Variants in ROBO2 observed in about 807,000 individuals in gnomAD.
ROBO2 encodes the protein roundabout homolog 2.
A neutral mutation model predicts 160.8 loss-of-function variants in ROBO2; 53 were observed. The observed-to-expected ratio is 0.33, with a 90% CI of 0.26 to 0.41. The LOEUF (loss-of-function observed/expected upper bound fraction) is 0.41. Ranked by LOEUF, ROBO2 falls within the 10% of genes least tolerant of loss-of-function variation. ROBO2 has a pLI of 1.00. For synonymous variants in ROBO2, 664 were observed against 611.7 expected, an observed-to-expected ratio of 1.09 and a Z score of -1.26; for missense variants, 1,577 against 1,722.4, an observed-to-expected ratio of 0.92 and a Z score of 1.49.
chr3:76,292,607 C>T (rs747534877), intron 2 of ROBO2, among the ~76,000 whole-genome samples: 3 of 151,752 alleles, frequency 2.0e-5, no homozygotes, highest in African/African-American at 7.3e-5. Flanking sequence ...TCCAATTGAA[C>T]AATATAAGTG....
intron 2 of ROBO2, among the ~76,000 whole-genome samples, chr3:76,185,576 T>G (rs1418271277): frequency 6.6e-6 from 1 of 151,916 alleles, no homozygotes; most frequent in African/African-American, 2.4e-5. Flanking sequence ...GCTGCCCAAA[T>G]AGACAGAGAG....
At position 76,177,643 on chromosome 3, in the gene ROBO2, T is replaced by A. The variant is rs540201020; in HGVS notation, c.109+240041T>A. On this transcript the variant is annotated intron_variant, in intron 2 of 26. Transcript: ENST00000487694. Reference sequence around the variant, plus strand: ...TTTTTCTCCTAGCTAACTAAGGAGATGTTCTATTTTACATGCTAATTGTAA... The same window carrying A: ...TTTTTCTCCTAGCTAACTAAGGAGAAGTTCTATTTTACATGCTAATTGTAA... Among the ~76,000 whole-genome samples the A allele has an allele frequency of 4.6e-5, 7 of 152,308 alleles. No homozygotes were observed. The East Asian group carries it at 1.4e-3, about 29-fold the overall frequency.
At chr3:76,583,559 T>A (rs909475452) in intron 2 of ROBO2, among the ~76,000 whole-genome samples, 1 of 152,090 alleles carries the variant, frequency 6.6e-6, no homozygotes, top group African/African-American at 2.4e-5. Flanking sequence ...CTTTTTGGGT[T>A]TTCCGCAGCT....
intron 2 of ROBO2, among the ~76,000 whole-genome samples, chr3:76,363,146 A>C (rs2108406877): frequency 6.6e-6 from 1 of 152,140 alleles, no homozygotes; most frequent in South Asian, 2.1e-4. Flanking sequence ...AGCACTCGAT[A>C]AAATTTATAT....
intron 13 of ROBO2, among the ~76,000 whole-genome samples, 197 bp from the exon 15 acceptor site, chr3:77,574,302 T>G (rs2093707929): frequency 6.6e-6 from 1 of 152,024 alleles, no homozygotes; most frequent in African/African-American, 2.4e-5. Context: ...ATCTTCATTT[T>G]GGAAACAATC....
At chr3:76,585,343 A>C (rs918233034) in intron 2 of ROBO2, among the ~76,000 whole-genome samples, 5 of 152,210 alleles carry the variant, frequency 3.3e-5, no homozygotes, top group African/African-American at 1.2e-4. Flanking sequence ...CATGAAAAAT[A>C]TTGATTTCAT....
At chr3:77,112,380 A>G (rs1293659434) in intron 2 of ROBO2, among the ~76,000 whole-genome samples, 1 of 151,712 alleles carries the variant, frequency 6.6e-6, no homozygotes, top group African/African-American at 2.4e-5. Context: ...AGTAGCTGGG[A>G]TTACAGGCAC....
chr3:77,413,188 G>A (rs528842676), intron 2 of ROBO2, among the ~76,000 whole-genome samples: 9 of 152,030 alleles, frequency 5.9e-5, no homozygotes, highest in Non-Finnish European at 8.8e-5. Flanking sequence ...AATAAACAAG[G>A]CAAATAAAGA....
chr3:76,578,202 T>C (rs954232512), intron 2 of ROBO2, among the ~76,000 whole-genome samples: 1 of 152,174 alleles, frequency 6.6e-6, no homozygotes, highest in Non-Finnish European at 1.5e-5. Context: ...TAAATCTTCA[T>C]GGGTGAACAC....
At chr3:75,963,831 T>C (rs1249639923) in intron 2 of ROBO2, among the ~76,000 whole-genome samples, 1 of 151,804 alleles carries the variant, frequency 6.6e-6, no homozygotes, top group Non-Finnish European at 1.5e-5. Context: ...CTTCACGCAG[T>C]TGTACTTCTG....
intron 2 of ROBO2, among the ~76,000 whole-genome samples, chr3:76,785,331 A>G (rs532042832): frequency 6.6e-6 from 1 of 151,180 alleles, no homozygotes; most frequent in Non-Finnish European, 1.5e-5. Context: ...AGGATCTGAA[A>G]ATCAATCAGC....
intron 2 of ROBO2, among the ~76,000 whole-genome samples, chr3:77,261,068 C>G (rs571997428): frequency 6.6e-6 from 1 of 152,254 alleles, no homozygotes; most frequent in South Asian, 2.1e-4. Flanking sequence ...AATCAATCAG[C>G]CTGTCACGTA....
At position 77,108,431 on chromosome 3, in the gene ROBO2, T is replaced by C. The variant is rs181652153; in HGVS notation, c.388+10091T>C. On this transcript the variant is annotated intron_variant, in intron 2 of 25. Coordinates refer to ENST00000461745, the Ensembl canonical transcript of ROBO2. ...GGCCCTATGTGACCCCCCCCTACCT[T>C]GGCCTCACGAAGTGCTAGGATTACA... Among the ~76,000 whole-genome samples, 428 of 152,146 alleles carry C rather than the reference T, an allele frequency of 2.8e-3. 3 individuals are homozygous for C. The highest frequency in any genetic ancestry group is 9.9e-3 in the African/African-American group (411 of 41,514).
At chr3:77,400,587 AT>A (rs2075705437) in intron 2 of ROBO2, among the ~76,000 whole-genome samples, 1 of 152,108 alleles carries the variant, frequency 6.6e-6, no homozygotes, top group Non-Finnish European at 1.5e-5. Flanking sequence ...TAATTTCCAT[AT>A]TTGTTTTAAT....
At chr3:76,642,590 G>T (rs986265907) in intron 2 of ROBO2, among the ~76,000 whole-genome samples, 3 of 151,930 alleles carry the variant, frequency 2.0e-5, no homozygotes, top group South Asian at 2.1e-4. Flanking sequence ...GACCTCAGGT[G>T]ATCTGCCCGC....
At chr3:77,276,458 G>C (rs1231531560) in intron 2 of ROBO2, among the ~76,000 whole-genome samples, 1 of 152,122 alleles carries the variant, frequency 6.6e-6, no homozygotes, top group Non-Finnish European at 1.5e-5. Flanking sequence ...CTTAAGGTTA[G>C]CATTGCCTCC....
chr3:77,163,980 A>G (rs930376056), intron 2 of ROBO2, among the ~76,000 whole-genome samples: 2 of 152,208 alleles, frequency 1.3e-5, no homozygotes, highest in Non-Finnish European at 2.9e-5. Context: ...AATCAACTAC[A>G]TATTTCATCA....
chr3:77,181,796 T>A (rs1156942808), intron 2 of ROBO2, among the ~76,000 whole-genome samples: 1 of 152,096 alleles, frequency 6.6e-6, no homozygotes, highest in Non-Finnish European at 1.5e-5. Flanking sequence ...TATTTAATTA[T>A]AGTGAAAATA....
chr3:77,603,483 A>T (rs1477231386), intron 20 of ROBO2, among the ~76,000 whole-genome samples: 1 of 152,170 alleles, frequency 6.6e-6, no homozygotes, highest in Non-Finnish European at 1.5e-5. Context: ...AGATTTCGAA[A>T]TACCATATAA....
Sources: allele counts gnomAD v4.1 joint callset (sites outside exome capture counted in the v4.1 genomes callset), GRCh38; gene constraint gnomAD v4.1.1; transcripts MANE v1.5; gene names NCBI Gene and HGNC (gene_info 2026-07-23, HGNC 2026-07-21).